Variants in IL1RAPL1 observed in about 807,000 individuals in gnomAD.
IL1RAPL1 encodes interleukin-1 receptor accessory protein-like 1.
Under a neutral mutation model 48.4 loss-of-function variants are expected in IL1RAPL1, and 3 were observed. That is an observed-to-expected ratio of 0.06 (90% CI 0.03 to 0.16). The LOEUF (loss-of-function observed/expected upper bound fraction) is 0.16, where lower values mean the gene tolerates loss of function less well. IL1RAPL1 is among the 10% of genes least tolerant of loss of function. The pLI, the probability that IL1RAPL1 is intolerant of heterozygous loss-of-function variation, is 1.00. For missense variants in IL1RAPL1, 349 were observed against 530.6 expected (o/e 0.66, Z 3.36); for synonymous variants, 185 against 187.7 (o/e 0.99, Z 0.12).
At chrX:28,915,535 T>C (rs1021799518) in intron 2 of IL1RAPL1, among the ~76,000 whole-genome samples, 1 of 111,795 alleles carries the variant, frequency 8.9e-6, no homozygotes, top group Non-Finnish European at 1.9e-5. Flanking sequence ...ATACTTTACA[T>C]GTATGGGTTA....
rs754615978 is a variant in IL1RAPL1 at position 29,908,377 on chromosome X, T to A, written c.779-9087T>A. On this transcript the variant is annotated intron_variant, in intron 6 of 10. Transcript: ENST00000378993. Reference sequence around the variant, plus strand: ...ACATAGCAAGACCCCATTTCAAAAATATATATATATATATATATAAGCAAA... The same window carrying A: ...ACATAGCAAGACCCCATTTCAAAAAAATATATATATATATATATAAGCAAA... Among the ~76,000 whole-genome samples the A allele has an allele frequency of 4.5e-4, 24 of 52,930 alleles. 1 individual carries two copies. Among genetic ancestry groups the A allele is most frequent in the South Asian group, 1.5e-3 (3 of 1,960 alleles). 46.0% of individuals were successfully genotyped at this position (52,930 alleles called of 115,157 possible). A position where few individuals can be genotyped will look rare whatever the true frequency, so the allele number is the denominator to read the frequency against.
chrX:29,187,572 T>C (rs1324364182), intron 2 of IL1RAPL1, among the ~76,000 whole-genome samples: 4 of 111,471 alleles, frequency 3.6e-5, no homozygotes, highest in Non-Finnish European at 7.5e-5. Context: ...TGCCCATTGC[T>C]CTGAAAGGAG....
intron 2 of IL1RAPL1, among the ~76,000 whole-genome samples, chrX:29,168,670 ATT>A (rs1202964679): frequency 2.1e-5 from 2 of 94,163 alleles, no homozygotes; most frequent in East Asian, 3.2e-4. Flanking sequence ...TTGTATATAT[ATT>A]GTATATATAT....
intron 2 of IL1RAPL1, among the ~76,000 whole-genome samples, chrX:28,929,479 A>G (rs947656886): frequency 8.9e-6 from 1 of 111,923 alleles, no homozygotes; most frequent in Admixed American, 9.5e-5. Flanking sequence ...AACCAGACCT[A>G]TAATATATCT....
intron 2 of IL1RAPL1, among the ~76,000 whole-genome samples, chrX:28,964,656 T>G (rs1924876499): frequency 8.9e-6 from 1 of 111,793 alleles, no homozygotes; most frequent in Non-Finnish European, 1.9e-5. Context: ...CAGCATAAAT[T>G]TGCTTCTTTG....
chrX:28,612,404 G>A (rs7054788), intron 1 of IL1RAPL1, among the ~76,000 whole-genome samples: 8,790 of 111,580 alleles, frequency 0.079, 280 homozygotes, highest in African/African-American at 0.12. Flanking sequence ...CGGGCGGGGC[G>A]TTTTAAATTT....
intron 6 of IL1RAPL1, among the ~76,000 whole-genome samples, chrX:29,802,856 T>C (rs1205772091): frequency 4.3e-5 from 4 of 92,335 alleles, no homozygotes; most frequent in Non-Finnish European, 8.4e-5. Flanking sequence ...TATGTGTATA[T>C]ACGTGTACAT....
intron 6 of IL1RAPL1, among the ~76,000 whole-genome samples, chrX:29,911,525 A>G (rs1932756248): frequency 8.9e-6 from 1 of 112,338 alleles, no homozygotes; most frequent in Admixed American, 9.4e-5. Flanking sequence ...ATAATTTTAT[A>G]GACAGTAGCA....
intron 2 of IL1RAPL1, among the ~76,000 whole-genome samples, chrX:29,210,683 C>T (rs1388431516): frequency 2.7e-5 from 3 of 111,707 alleles, no homozygotes; most frequent in Non-Finnish European, 5.6e-5. Flanking sequence ...ATTGCCCTTT[C>T]TCTAAGCTCG....
At chrX:28,821,745 C>T (rs191147532) in intron 2 of IL1RAPL1, among the ~76,000 whole-genome samples, 11 of 111,166 alleles carry the variant, frequency 9.9e-5, no homozygotes, top group Admixed American at 4.8e-4. Flanking sequence ...ATGCGTACCA[C>T]GGTGTAAGGG....
chrX:28,625,397 C>T (rs182806517), intron 1 of IL1RAPL1, among the ~76,000 whole-genome samples: 31 of 112,149 alleles, frequency 2.8e-4, no homozygotes, highest in Admixed American at 2.7e-3. Context: ...CTACTGGGCC[C>T]TTGTTCCTTC....
At chrX:28,726,972 C>G (rs1301414455) in intron 1 of IL1RAPL1, among the ~76,000 whole-genome samples, 1 of 111,879 alleles carries the variant, frequency 8.9e-6, no homozygotes, top group Non-Finnish European at 1.9e-5. Flanking sequence ...GACTTATATC[C>G]TCAGTTTTAT....
intron 3 of IL1RAPL1, among the ~76,000 whole-genome samples, chrX:29,336,534 T>C (rs1480236290): frequency 9.1e-6 from 1 of 109,558 alleles, no homozygotes; most frequent in African/African-American, 3.3e-5. Flanking sequence ...TTCCAAGCGT[T>C]GTGGCCAACA....
At chrX:29,495,665 T>C (rs751090262) in intron 5 of IL1RAPL1, among the ~76,000 whole-genome samples, 1 of 111,871 alleles carries the variant, frequency 8.9e-6, no homozygotes, top group East Asian at 2.8e-4. Context: ...GTGCCCTGTT[T>C]ACACACTTGA....
intron 1 of IL1RAPL1, among the ~76,000 whole-genome samples, chrX:28,780,001 G>A (rs1936403960): frequency 9.1e-6 from 1 of 109,847 alleles, no homozygotes; most frequent in Admixed American, 9.8e-5. Flanking sequence ...AACACAGCAT[G>A]TCTATCCATA....
intron 5 of IL1RAPL1, among the ~76,000 whole-genome samples, chrX:29,667,919 A>C (rs925556734): frequency 8.9e-6 from 1 of 111,999 alleles, no homozygotes; most frequent in African/African-American, 3.2e-5. Context: ...CACTTAGATT[A>C]TGTATGTAGG....
intron 5 of IL1RAPL1, among the ~76,000 whole-genome samples, chrX:29,559,687 T>TC (rs1922122477): frequency 9.0e-6 from 1 of 111,162 alleles, no homozygotes; most frequent in African/African-American, 3.3e-5. Flanking sequence ...ATTTTTTTTT[T>TC]CATTGTGGTT....
intron 2 of IL1RAPL1, among the ~76,000 whole-genome samples, chrX:28,979,471 A>G (rs1925278668): frequency 8.9e-6 from 1 of 112,081 alleles, no homozygotes; most frequent in African/African-American, 3.2e-5. Flanking sequence ...TACACTTGAA[A>G]TATCCAGTCA....
intron 5 of IL1RAPL1, among the ~76,000 whole-genome samples, chrX:29,614,500 T>C (rs1924216056): frequency 8.9e-6 from 1 of 112,457 alleles, no homozygotes; most frequent in African/African-American, 3.2e-5. Flanking sequence ...TATCCTTCTG[T>C]GAATTCGAAT....
Sources: allele counts gnomAD v4.1 joint callset (sites outside exome capture counted in the v4.1 genomes callset), GRCh38; gene constraint gnomAD v4.1.1; transcripts MANE v1.5; gene names NCBI Gene and HGNC (gene_info 2026-07-23, HGNC 2026-07-21).